Variants in CRMP1 observed in about 807,000 individuals in gnomAD.
CRMP1 encodes collapsin response mediator protein 1, also known as dihydropyrimidinase-related protein 1.
A neutral mutation model predicts 68.3 loss-of-function variants in CRMP1; 19 were observed. The ratio of observed to expected loss-of-function variants is 0.28; its 90% CI spans 0.19 to 0.41. CRMP1 has a LOEUF of 0.41. CRMP1 is among the 10% of genes least tolerant of loss of function. CRMP1 has a pLI of 1.00. For synonymous variants in CRMP1, 439 were observed against 399.6 expected, an observed-to-expected ratio of 1.10 and a Z score of -1.18; for missense variants, 791 against 967.4, an observed-to-expected ratio of 0.82 and a Z score of 2.42.
chr4:5,892,709 G>T lies in CRMP1; in HGVS notation c.261C>A (p.Asp87Glu), dbSNP rs1301064235. ...CCGCGGAGCCCGAGGGCTCGCTCAC[G>T]TCGCTGGCCGTGTCCTCGCTGCCTC... is the stretch of plus-strand genomic sequence containing the variant. The part of the protein sequence containing the change: ...GPGGSEDTAS[D>E]VSEPSGSAVS... Residue 87 changes from aspartate (D) to glutamate (E), a missense_variant, in exon 1 of 14, where the codon GAC becomes GAA. Coordinates refer to ENST00000324989, the MANE Select transcript of CRMP1 (RefSeq NM_001014809.3). The surrounding 1 kb of genome is among the most constrained non-coding windows in gnomAD (Gnocchi z 8.6). 4.1e-6 allele frequency: 5 copies of T among 1,226,570 alleles called. No individual in the cohort carries two copies. Among genetic ancestry groups the T allele is most frequent in the African/African-American group, 1.6e-5 (1 of 62,884 alleles). 76.0% of individuals were successfully genotyped at this position (1,226,570 alleles called of 1,614,324 possible).
At position 5,860,228 on chromosome 4, in the gene CRMP1, A is replaced by T. The variant is rs951311687; in HGVS notation, c.655+798T>A. On this transcript the variant is annotated intron_variant, in intron 3 of 13. Coordinates refer to ENST00000324989, the MANE Select transcript of CRMP1 (RefSeq NM_001014809.3). This position sits in a 1 kb window ranked among gnomAD's most constrained non-coding sequence, Gnocchi z 4.2. ...AATGTGGGTGGAAGTTGCAGCATGG[A>T]AGTGAGGAGATGAGGCAGTGAGAAG... Among the ~76,000 whole-genome samples, 7 of 152,132 alleles carry T rather than the reference A, an allele frequency of 4.6e-5. No homozygotes were observed. The highest frequency in any genetic ancestry group is 1.7e-4 in the African/African-American group (7 of 41,424).
Position 5,825,866 on chromosome 4 carries a change from C to A in CRMP1, c.1804-207G>T, listed in dbSNP as rs1719498358. 1 of 565,214 alleles carries A rather than the reference C, an allele frequency of 1.8e-6. No homozygotes were observed. The highest frequency in any genetic ancestry group is 3.1e-6 in the Non-Finnish European group (1 of 324,402). 35.0% of individuals were successfully genotyped at this position (565,214 alleles called of 1,614,324 possible). A position where few individuals can be genotyped will look rare whatever the true frequency, so the allele number is the denominator to read the frequency against. ...ATTCATACACACAAGCATGCATACACACACATCTACATACCCACATGCATA... is the reference window on the plus strand; with the variant it reads ...ATTCATACACACAAGCATGCATACAAACACATCTACATACCCACATGCATA... On this transcript the variant is annotated intron_variant, in intron 12 of 13. Transcript: ENST00000324989. This position sits in a 1 kb window ranked among gnomAD's most constrained non-coding sequence, Gnocchi z 4.4.
chr4:5,852,364 C>T (rs1015577533), intron 4 of CRMP1, among the ~76,000 whole-genome samples: 3 of 152,214 alleles, frequency 2.0e-5, no homozygotes, highest in Admixed American at 2.0e-4. Context: ...CTGCACTGGA[C>T]TGCACAGTAC....
chr4:5,839,168 C>G (rs73797917), intron 9 of CRMP1, among the ~76,000 whole-genome samples: 3 of 152,210 alleles, frequency 2.0e-5, no homozygotes, highest in African/African-American at 7.2e-5. Flanking sequence ...ACGAGGGAGA[C>G]AGAGAGATGT....
In CRMP1 at chr4:5,834,797, G is replaced by A. The variant is rs763214326; in HGVS notation, c.1623+1118C>T. On this transcript the variant is annotated intron_variant, in intron 11 of 13. Coordinates refer to ENST00000324989, the MANE Select transcript of CRMP1 (RefSeq NM_001014809.3). This position sits in a 1 kb window ranked among gnomAD's most constrained non-coding sequence, Gnocchi z 4.3. ...ATGGGAAGATGATCTCAGGCACCCC[G>A]TTCCCTGGAGATGGGGGCTGTGGGA... 5.3e-5 allele frequency among the ~76,000 whole-genome samples: 8 copies of A among 152,304 alleles called. No individual in the cohort carries two copies. Among genetic ancestry groups the A allele is most frequent in the East Asian group, 3.9e-4 (2 of 5,178 alleles).
Position 5,890,617 on chromosome 4 carries a change from C to T in CRMP1, c.381+1972G>A, listed in dbSNP as rs1405526470. Among the ~76,000 whole-genome samples the T allele has an allele frequency of 6.6e-6, 1 of 152,230 alleles. No homozygotes were observed. Among genetic ancestry groups the T allele is most frequent in the African/African-American group, 2.4e-5 (1 of 41,472 alleles). ...AGTGCTTTCGGAGCCCCGGGAGCGC[C>T]AGAGGCGCTGCCTTTTGTCCGGTGC... On this transcript the variant is annotated intron_variant, in intron 1 of 13. Transcript: ENST00000324989. The surrounding 1 kb of genome is among the most constrained non-coding windows in gnomAD (Gnocchi z 5.5).
At chr4:5,874,141 G>A (rs1201174608) in intron 1 of CRMP1, among the ~76,000 whole-genome samples, 1 of 152,144 alleles carries the variant, frequency 6.6e-6, no homozygotes, top group Non-Finnish European at 1.5e-5. Flanking sequence ...CTGGGAATTT[G>A]TCCTCTAGAA....
In CRMP1 at chr4:5,889,607, G is replaced by A; in HGVS notation, c.381+2982C>T. On this transcript the variant is annotated intron_variant, in intron 1 of 13. Coordinates refer to ENST00000324989, the MANE Select transcript of CRMP1 (RefSeq NM_001014809.3). This position sits in a 1 kb window ranked among gnomAD's most constrained non-coding sequence, Gnocchi z 4.5. Reference sequence around the variant, plus strand: ...CTGGACAGGTGCCCCAAGTTCCCAGGCAGAATAAAACACCAACCTTGTCCA... The same window carrying A: ...CTGGACAGGTGCCCCAAGTTCCCAGACAGAATAAAACACCAACCTTGTCCA... The A allele has an allele frequency of 6.5e-7, 1 of 1,536,154 alleles. No homozygotes were observed. The highest frequency in any genetic ancestry group is 8.7e-7 in the Non-Finnish European group (1 of 1,146,906).
At position 5,879,993 on chromosome 4, in the gene CRMP1, A is replaced by C. The variant is rs567612489; in HGVS notation, c.381+12596T>G. ...AAAGAGAAGGTCCTAAGTAATGGAG[A>C]AACATCTTCCAGTGCCTCTAGGAAT... On this transcript the variant is annotated intron_variant, in intron 1 of 13. Coordinates refer to ENST00000324989, the MANE Select transcript of CRMP1 (RefSeq NM_001014809.3). The surrounding 1 kb of genome is among the most constrained non-coding windows in gnomAD (Gnocchi z 4.2). Among the ~76,000 whole-genome samples, 60 of 152,360 alleles carry C rather than the reference A, an allele frequency of 3.9e-4. No individual in the cohort carries two copies. Among genetic ancestry groups the C allele is most frequent in the African/African-American group, 1.4e-3 (58 of 41,580 alleles).
Position 5,821,746 on chromosome 4 carries a change from C to T in CRMP1, c.*14G>A, listed in dbSNP as rs1560469853. On this transcript the variant is annotated 3_prime_UTR_variant, in exon 14 of 14. Coordinates refer to ENST00000324989, the MANE Select transcript of CRMP1 (RefSeq NM_001014809.3). The surrounding 1 kb of genome is among the most constrained non-coding windows in gnomAD (Gnocchi z 4.4). ...CCCAGAATCCTTCAGGCTAGCTCCT[C>T]CGCGCATCCACGTTCAACCGAGGCT... 6.3e-7 allele frequency: 1 copy of T among 1,599,784 alleles called. No homozygotes were observed. The highest frequency in any genetic ancestry group is 8.5e-7 in the Non-Finnish European group (1 of 1,171,880).
chr4:5,885,283 C>G (rs201971598), intron 1 of CRMP1, among the ~76,000 whole-genome samples: 1 of 152,134 alleles, frequency 6.6e-6, no homozygotes, highest in African/African-American at 2.4e-5. Flanking sequence ...AAAGCTACAC[C>G]CTTATCCCCA....
Position 5,879,882 on chromosome 4 carries a change from G to A in CRMP1, c.381+12707C>T, listed in dbSNP as rs760588500. Among the ~76,000 whole-genome samples the A allele has an allele frequency of 6.9e-4, 105 of 151,830 alleles. No homozygotes were observed. The highest frequency in any genetic ancestry group is 4.1e-4 in the Non-Finnish European group (28 of 67,948). ...AAAAAAAAAATGAGACGAAAGGAAA[G>A]GAAAATGAAAGAAAGTAAAGGAAAA... On this transcript the variant is annotated intron_variant, in intron 1 of 13. Coordinates refer to ENST00000324989, the MANE Select transcript of CRMP1 (RefSeq NM_001014809.3). This position sits in a 1 kb window ranked among gnomAD's most constrained non-coding sequence, Gnocchi z 4.2.
chr4:5,837,051 C>T, intron 9 of CRMP1, 145 bp from the exon 10 acceptor site: 2 of 905,968 alleles, frequency 2.2e-6, no homozygotes, highest in Non-Finnish European at 1.6e-6. Context: ...CTAGCGTGTG[C>T]CTGCACGTGT....
chr4:5,835,787 G>T, intron 11 of CRMP1, 128 bp downstream of exon 11: 1 of 1,120,952 alleles, frequency 8.9e-7, no homozygotes, highest in Non-Finnish European at 1.2e-6. Flanking sequence ...AAATGGGAAT[G>T]ACTGAGTCAG....
rs1453149738 is a variant in CRMP1, at chr4:5,879,671, C to T, written c.382-12915G>A. On this transcript the variant is annotated intron_variant, in intron 1 of 13. Coordinates refer to ENST00000324989, the MANE Select transcript of CRMP1 (RefSeq NM_001014809.3). The surrounding 1 kb of genome is among the most constrained non-coding windows in gnomAD (Gnocchi z 4.2). ...GAAGTTTAACATTCTATGCCAAATGCTCTAACATTCTATGCCAAATGTTCA... is the reference window on the plus strand; with the variant it reads ...GAAGTTTAACATTCTATGCCAAATGTTCTAACATTCTATGCCAAATGTTCA... Among the ~76,000 whole-genome samples the T allele has an allele frequency of 4.6e-5, 7 of 152,182 alleles. No individual in the cohort carries two copies. The highest frequency in any genetic ancestry group is 7.2e-5 in the African/African-American group (3 of 41,442).
rs942481390 is a variant in CRMP1, at chr4:5,890,433, A to G, written c.381+2156T>C. Among the ~76,000 whole-genome samples the G allele has an allele frequency of 7.2e-5, 11 of 151,868 alleles. No individual in the cohort carries two copies. Among genetic ancestry groups the G allele is most frequent in the African/African-American group, 2.7e-4 (11 of 41,338 alleles). On this transcript the variant is annotated intron_variant, in intron 1 of 13. Coordinates refer to ENST00000324989, the MANE Select transcript of CRMP1 (RefSeq NM_001014809.3). The surrounding 1 kb of genome is among the most constrained non-coding windows in gnomAD (Gnocchi z 5.5). Reference sequence around the variant, plus strand: ...GGAGAAGCCTGGTGGGCGGGGGGGGAAGGGCCGGGGCACCCGTTGCGAAGC... The same window carrying G: ...GGAGAAGCCTGGTGGGCGGGGGGGGGAGGGCCGGGGCACCCGTTGCGAAGC...
chr4:5,852,173 G>A (rs896732941), intron 4 of CRMP1, among the ~76,000 whole-genome samples: 12 of 152,232 alleles, frequency 7.9e-5, no homozygotes, highest in African/African-American at 2.7e-4. Context: ...TTAAAGAATT[G>A]TGTTTGCAAT....
Position 5,843,122 on chromosome 4 carries a change from C to T in CRMP1, c.1003G>A (p.Glu335Lys), listed in dbSNP as rs1183227411. The change falls in exon 7 of 14, where the codon GAG becomes AAG. Residue 335 changes from glutamate (E) to lysine (K), a missense_variant. Coordinates refer to ENST00000324989, the MANE Select transcript of CRMP1 (RefSeq NM_001014809.3). This position sits in a 1 kb window ranked among gnomAD's most constrained non-coding sequence, Gnocchi z 4.1. ...RILEMGITGP[E>K]GHALSRPEEL... ...TCAGGTCTGCTCAGGGCATGGCCCT[C>T]GGGACCCGTGATGCCCATCTCCAGG... The T allele has an allele frequency of 3.1e-6, 5 of 1,614,024 alleles. No individual in the cohort carries two copies. The highest frequency in any genetic ancestry group is 2.2e-5 in the South Asian group (2 of 91,076).
rs1241481063 is a variant in CRMP1 at position 5,870,024 on chromosome 4, C to T, written c.382-3268G>A. Reference sequence around the variant, plus strand: ...CAAGCCCAGAGAAGAAGAGTTTAACCCAAACTAAGGCATCAGAAACACATC... The same window carrying T: ...CAAGCCCAGAGAAGAAGAGTTTAACTCAAACTAAGGCATCAGAAACACATC... On this transcript the variant is annotated intron_variant, in intron 1 of 13. Coordinates refer to ENST00000324989, the MANE Select transcript of CRMP1 (RefSeq NM_001014809.3). The surrounding 1 kb of genome is among the most constrained non-coding windows in gnomAD (Gnocchi z 6.0). Among the ~76,000 whole-genome samples the T allele has an allele frequency of 6.6e-6, 1 of 152,154 alleles. No individual in the cohort carries two copies. Among genetic ancestry groups the T allele is most frequent in the Non-Finnish European group, 1.5e-5 (1 of 68,032 alleles).
Sources: gnomAD v4.1 joint callset for allele counts (sites outside exome capture counted in the v4.1 genomes callset) on GRCh38, gnomAD v4.1.1 for gene constraint, Gnocchi (gnomAD v3.1) non-coding constraint, MANE v1.5 for transcripts, NCBI Gene and HGNC (gene_info 2026-07-23, HGNC 2026-07-21) for gene names.